The following DYNC1H1 variants were observed in gnomAD, a reference collection of about 807,000 sequenced individuals.
DYNC1H1 encodes cytoplasmic dynein 1 heavy chain 1.
DYNC1H1 carries 51 observed loss-of-function variants against 527.1 expected under a neutral mutation model. The observed-to-expected ratio is 0.10, with a 90% CI of 0.08 to 0.12. DYNC1H1 has a LOEUF of 0.12. Ranked by LOEUF, DYNC1H1 falls within the 10% of genes least tolerant of loss-of-function variation. The pLI is 1.00. For missense variants in DYNC1H1, 2,771 were observed against 5,971.8 expected, an observed-to-expected ratio of 0.46 and a Z score of 17.66; for synonymous variants, 2,189 against 2,278.8, an observed-to-expected ratio of 0.96 and a Z score of 1.12.
chr14:102,018,059 T>A lies in DYNC1H1; in HGVS notation c.8178-392T>A, dbSNP rs1185355852. 1 of 253,084 alleles carries A rather than the reference T, an allele frequency of 4.0e-6. No homozygotes were observed. Among genetic ancestry groups the A allele is most frequent in the Non-Finnish European group, 7.8e-6 (1 of 128,776 alleles). 15.7% of individuals were successfully genotyped at this position (253,084 alleles called of 1,614,324 possible). A position where few individuals can be genotyped will look rare whatever the true frequency, so the allele number is the denominator to read the frequency against. ...AGGTGGAGCTTGCAGTGAGCTGAGA[T>A]CGCACCACTGCACTCCAGCCTGGGC... On this transcript the variant is annotated intron_variant, in intron 40 of 77. Coordinates refer to ENST00000360184, the MANE Select transcript of DYNC1H1 (RefSeq NM_001376.5). The surrounding 1 kb of genome is among the most constrained non-coding windows in gnomAD (Gnocchi z 5.2).
At chr14:102,040,796 C>CA in intron 64 of DYNC1H1, 123 bp downstream of exon 64, 2 of 1,211,552 alleles carry the variant, frequency 1.7e-6, no homozygotes, top group Non-Finnish European at 2.4e-6. Context: ...CCCATCTCTA[C>CA]AAAAAATAAA....
Position 102,038,710 on chromosome 14 carries a change from C to G in DYNC1H1, c.11068C>G (p.Pro3690Ala). 1.2e-6 allele frequency: 2 copies of G among 1,614,208 alleles called. No homozygotes were observed. Among genetic ancestry groups the G allele is most frequent in the Non-Finnish European group, 1.7e-6 (2 of 1,180,042 alleles). Residue 3690 changes from proline (P) to alanine (A), a missense_variant, in exon 59 of 78, where the codon CCA (proline) becomes GCA (alanine). Physicochemically the swap from Pro to Ala is conservative, Grantham distance 27 (BLOSUM62 -1). This residue lies in a region of DYNC1H1 where 283 missense variants were observed against 737.6 expected (regional missense o/e 0.38). Coordinates refer to ENST00000360184, the MANE Select transcript of DYNC1H1 (RefSeq NM_001376.5). The surrounding 1 kb of genome is among the most constrained non-coding windows in gnomAD (Gnocchi z 7.2). ...STRDPTVEFP[P>A]DLCSRVTFVN... ...CCTATTTTGGCAGGTCGAGTTCCCACCAGATCTCTGTTCCCGGGTTACTTT... is the reference window on the plus strand; with the variant it reads ...CCTATTTTGGCAGGTCGAGTTCCCAGCAGATCTCTGTTCCCGGGTTACTTT...
chr14:102,024,098 G>T (rs904371005), intron 43 of DYNC1H1, among the ~76,000 whole-genome samples: 10 of 152,190 alleles, frequency 6.6e-5, no homozygotes, highest in African/African-American at 2.4e-4. Context: ...TTTCCAGCCG[G>T]TGGAAGGTGT....
At position 102,020,078 on chromosome 14, in the gene DYNC1H1, G is replaced by T. The variant is rs369077639; in HGVS notation, c.8507+22G>T. 1 of 1,613,430 alleles carries T rather than the reference G, an allele frequency of 6.2e-7. No individual in the cohort carries two copies. The highest frequency in any genetic ancestry group is 8.5e-7 in the Non-Finnish European group (1 of 1,179,748). On this transcript the variant is annotated intron_variant, in intron 42 of 77. Coordinates refer to ENST00000360184, the MANE Select transcript of DYNC1H1 (RefSeq NM_001376.5). This position sits in a 1 kb window ranked among gnomAD's most constrained non-coding sequence, Gnocchi z 4.3. ...ATAGGTAAGGGAAGCCGAGGATCCA[G>T]TTGGTCCCATTCTCCCCTGCTCTGA...
In DYNC1H1 at chr14:102,000,354, C is replaced by A. The variant is rs1203453255; in HGVS notation, c.4029C>A (p.Ile1343=). The A allele has an allele frequency of 1.2e-6, 2 of 1,614,050 alleles. No homozygotes were observed. Among genetic ancestry groups the A allele is most frequent in the Non-Finnish European group, 1.7e-6 (2 of 1,180,006 alleles). ...WSELSKVWEQ[I]DQMKEQPWVS... ...AACTTTCTAAGGTTTGGGAGCAAAT[C>A]GATCAGATGAAGGAGCAACCCTGGG... is the stretch of plus-strand genomic sequence containing the variant. Residue 1343 remains isoleucine, a synonymous_variant, in exon 18 of 78, where the codon ATC becomes ATA. Coordinates refer to ENST00000360184, the MANE Select transcript of DYNC1H1 (RefSeq NM_001376.5).
At position 101,983,543 on chromosome 14, in the gene DYNC1H1, G is replaced by C. The variant is rs747183743; in HGVS notation, c.1395G>C (p.Gln465His). Residue 465 changes from glutamine (Q) to histidine (H), a missense_variant, in exon 7 of 78, where the codon CAG becomes CAC. This residue lies in a region of DYNC1H1 where 264 missense variants were observed against 619.4 expected (regional missense o/e 0.43). Transcript: ENST00000360184. The surrounding 1 kb of genome is among the most constrained non-coding windows in gnomAD (Gnocchi z 5.3). ...GGAAGCTGCAGGCCCGCCTTGACCA[G>C]ATGAGAAAATTTAGACGCCAGCATG... is the stretch of plus-strand genomic sequence containing the variant. ...AHRKLQARLD[Q>H]MRKFRRQHEQ... The C allele has an allele frequency of 4.3e-6, 7 of 1,614,200 alleles. No homozygotes were observed. Among genetic ancestry groups the C allele is most frequent in the South Asian group, 1.1e-5 (1 of 91,076 alleles).
intron 7 of DYNC1H1, among the ~76,000 whole-genome samples, chr14:101,984,215 C>T (rs1221164349): frequency 6.6e-6 from 1 of 151,576 alleles, no homozygotes; most frequent in African/African-American, 2.4e-5. Flanking sequence ...TTCTCGAACT[C>T]CTGAGCTCAA....
At chr14:102,028,649 C>T (rs1008624123) in intron 48 of DYNC1H1, 8 of 202,092 alleles carry the variant, frequency 4.0e-5, no homozygotes, top group Admixed American at 1.6e-4. Context: ...ATTCTGGAGC[C>T]GTCTAACACT....
At chr14:101,967,766 G>A (rs1043205487) in intron 1 of DYNC1H1, among the ~76,000 whole-genome samples, 19 of 152,182 alleles carry the variant, frequency 1.2e-4, no homozygotes, top group Non-Finnish European at 2.2e-4. Flanking sequence ...GTTTGACGCT[G>A]TGGTGAACTA....
At chr14:102,003,088 C>T in intron 23 of DYNC1H1, 123 bp downstream of exon 23, 2 of 1,256,118 alleles carry the variant, frequency 1.6e-6, no homozygotes, top group Non-Finnish European at 1.1e-6. Context: ...TTTTGTTAGC[C>T]AATAATACAT....
chr14:101,980,607 TCTTA>T (rs1171617975), intron 5 of DYNC1H1, 57 bp downstream of exon 5: 29 of 1,578,036 alleles, frequency 1.8e-5, no homozygotes, highest in Non-Finnish European at 2.4e-5. Context: ...TTTTACGAGA[TCTTA>T]CTTGATAATT....
chr14:101,996,590 T>C (rs2048065634), intron 15 of DYNC1H1, among the ~76,000 whole-genome samples: 1 of 152,130 alleles, frequency 6.6e-6, no homozygotes, highest in Non-Finnish European at 1.5e-5. Context: ...TTAGGATGGA[T>C]GGTTTTAGGA....
intron 1 of DYNC1H1, among the ~76,000 whole-genome samples, chr14:101,972,403 G>A (rs981432360): frequency 1.3e-5 from 2 of 152,206 alleles, no homozygotes; most frequent in Non-Finnish European, 2.9e-5. Context: ...GGTTCGTAGT[G>A]ACTTCCATAA....
intron 41 of DYNC1H1, 54 bp from the exon 42 acceptor site, chr14:102,019,839 T>C: frequency 1.2e-6 from 2 of 1,610,522 alleles, no homozygotes; most frequent in Non-Finnish European, 1.7e-6. Context: ...TTTTGACCAC[T>C]TCTCTGTGTC....
At chr14:102,021,866 G>A (rs1446281974) in intron 42 of DYNC1H1, among the ~76,000 whole-genome samples, 3 of 151,830 alleles carry the variant, frequency 2.0e-5, no homozygotes, top group Non-Finnish European at 4.4e-5. Flanking sequence ...TCACCACATT[G>A]GCCAGGCTAG....
In DYNC1H1 at chr14:102,000,278, A is replaced by C. The variant is rs374586080; in HGVS notation, c.3961-8A>C. The C allele has an allele frequency of 6.2e-7, 1 of 1,613,962 alleles. No homozygotes were observed. Among genetic ancestry groups the C allele is most frequent in the Non-Finnish European group, 8.5e-7 (1 of 1,179,968 alleles). On this transcript the variant is annotated splice_region_variant and splice_polypyrimidine_tract_variant and intron_variant, in intron 17 of 77. Transcript: ENST00000360184. Reference sequence around the variant, plus strand: ...CAAAGTCAACTGCTTTACTATTCTCAATCGCAGGTGGCCTTAGAAGAATTA... The same window carrying C: ...CAAAGTCAACTGCTTTACTATTCTCCATCGCAGGTGGCCTTAGAAGAATTA...
At chr14:101,987,770 A>T (rs2047952415) in intron 9 of DYNC1H1, 138 bp downstream of exon 9, 1 of 1,044,918 alleles carries the variant, frequency 9.6e-7, no homozygotes, top group South Asian at 1.4e-5. Context: ...AATCTCATTT[A>T]ACTAGTGATA....
intron 1 of DYNC1H1, among the ~76,000 whole-genome samples, chr14:101,967,451 T>C (rs2047681235): frequency 1.3e-5 from 2 of 152,242 alleles, no homozygotes; most frequent in Admixed American, 6.5e-5. Context: ...ACACTTGTAA[T>C]TGAATATAGA....
chr14:101,992,706 C>A (rs1244770432), intron 11 of DYNC1H1, among the ~76,000 whole-genome samples: 1 of 152,154 alleles, frequency 6.6e-6, no homozygotes, highest in Admixed American at 6.5e-5. Context: ...TCTGTGTGAT[C>A]GCCCATAGCC....
Sources: allele counts gnomAD v4.1 joint callset (sites outside exome capture counted in the v4.1 genomes callset), GRCh38; gene constraint gnomAD v4.1.1; regional missense constraint gnomAD v4.1.1; non-coding constraint Gnocchi (gnomAD v3.1); transcripts MANE v1.5; gene names NCBI Gene and HGNC (gene_info 2026-07-23, HGNC 2026-07-21).